The following ATG13 variants were observed in gnomAD, a reference collection of about 807,000 sequenced individuals.
The protein encoded by ATG13 is autophagy related 13.
ATG13 carries 23 observed loss-of-function variants against 65.5 expected under a neutral mutation model. The observed-to-expected ratio is 0.35, with a 90% CI of 0.25 to 0.50. The LOEUF is 0.50. Among genes scored for constraint, ATG13 ranks in the 20% least tolerant of loss-of-function variants. The probability of loss-of-function intolerance (pLI) is 0.98; values close to 1 mark genes in which losing one functional copy is unlikely to be tolerated. For synonymous variants in ATG13, 252 were observed against 245.2 expected (o/e 1.03, Z -0.26); for missense variants, 566 against 677.0 (o/e 0.84, Z 1.82).
chr11:46,636,942 T>G (rs1331614999), intron 2 of ATG13, among the ~76,000 whole-genome samples: 1 of 152,194 alleles, frequency 6.6e-6, no homozygotes, highest in Non-Finnish European at 1.5e-5. Flanking sequence ...TTGGCTAGGA[T>G]GGTCTCGATC....
At position 46,634,407 on chromosome 11, in the gene ATG13, CT is replaced by C. The variant is rs113574145; in HGVS notation, c.-14+4320del. Reference sequence around the variant, plus strand: ...TTTCTTTTTAATTTAATTTAGTTTTCTTTTTTTTTTTTTGAGTCTGAGTTTT... The same window carrying C: ...TTTCTTTTTAATTTAATTTAGTTTTCTTTTTTTTTTTTGAGTCTGAGTTTT... On this transcript the variant is annotated intron_variant, in intron 2 of 18. Coordinates refer to ENST00000683050, the MANE Select transcript of ATG13 (RefSeq NM_001346311.2). Among the ~76,000 whole-genome samples, 1,323 of 141,556 alleles carry C rather than the reference CT, an allele frequency of 9.3e-3. 13 individuals are homozygous for C. The highest frequency in any genetic ancestry group is 0.03 in the African/African-American group (1,166 of 38,696). 92.9% of individuals were successfully genotyped at this position (141,556 alleles called of 152,430 possible).
At chr11:46,628,856 A>C (rs1282028666) in intron 1 of ATG13, among the ~76,000 whole-genome samples, 2 of 152,086 alleles carry the variant, frequency 1.3e-5, no homozygotes, top group African/African-American at 4.8e-5. Context: ...CACAATCAAA[A>C]CATGGAAATT....
chr11:46,672,771 A>G lies in ATG13; in HGVS notation c.*439A>G. 7.4e-7 allele frequency: 1 copy of G among 1,349,596 alleles called. No individual in the cohort carries two copies. Among genetic ancestry groups the G allele is most frequent in the Non-Finnish European group, 9.8e-7 (1 of 1,021,488 alleles). 83.6% of individuals were successfully genotyped at this position (1,349,596 alleles called of 1,614,324 possible). ...CAAGAGATTGGTGTGGAGTCGCAGA[A>G]AGAGGAAGGAGACAGTGCCAGGAGG... On this transcript the variant is annotated 3_prime_UTR_variant, in exon 19 of 19. Coordinates refer to ENST00000683050, the MANE Select transcript of ATG13 (RefSeq NM_001346311.2).
intron 18 of ATG13, among the ~76,000 whole-genome samples, chr11:46,671,277 ACT>A (rs1414042026): frequency 2.0e-5 from 3 of 152,078 alleles, no homozygotes; most frequent in African/African-American, 7.2e-5. Context: ...TGATGGTGAA[ACT>A]CTGCAGATGC....
At chr11:46,638,178 T>C (rs1218828112) in intron 2 of ATG13, among the ~76,000 whole-genome samples, 4 of 152,332 alleles carry the variant, frequency 2.6e-5, no homozygotes, top group Non-Finnish European at 4.4e-5. Flanking sequence ...GGCTCATGTC[T>C]GTAATCCCAG....
At chr11:46,649,104 T>TA (rs1178874902) in intron 5 of ATG13, 33 bp from the exon 6 acceptor site, 11 of 1,592,110 alleles carry the variant, frequency 6.9e-6, no homozygotes, top group Non-Finnish European at 9.4e-6. Context: ...AAAAATTTTT[T>TA]AAACAAATAT....
At position 46,649,201 on chromosome 11, in the gene ATG13, G is replaced by C; in HGVS notation, c.317+18G>C. The stretch of plus-strand genomic sequence containing the variant: ...AATGAAAAGTAAGTGCTGCGTCTTA[G>C]GGTCCTTGGTTGTGGTTGCTGAGGA... On this transcript the variant is annotated intron_variant, in intron 6 of 18. Transcript: ENST00000683050. 6.2e-7 allele frequency: 1 copy of C among 1,610,140 alleles called. No individual in the cohort carries two copies. Among genetic ancestry groups the C allele is most frequent in the African/African-American group, 1.3e-5 (1 of 74,914 alleles).
chr11:46,655,078 G>C (rs560483724), intron 7 of ATG13, among the ~76,000 whole-genome samples: 1 of 151,344 alleles, frequency 6.6e-6, no homozygotes, highest in Non-Finnish European at 1.5e-5. Flanking sequence ...CAGCCTGAGC[G>C]ACAGAGCGAG....
chr11:46,645,404 A>G lies in ATG13; in HGVS notation c.135A>G (p.Pro45=). 1 of 1,613,748 alleles carries G rather than the reference A, an allele frequency of 6.2e-7. No individual in the cohort carries two copies. The highest frequency in any genetic ancestry group is 1.7e-5 in the Admixed American group (1 of 59,960). Residue 45 remains proline (P), a synonymous_variant, in exon 4 of 19, where the codon CCA becomes CCG. Transcript: ENST00000683050. ...TTTGCACTCGTTCATCATCTTCTCC[A>G]ACGGGTTCAGATTGGGTAAAATTCT... ...EKICTRSSSS[P]TGSDWFNLAI... is the part of the protein sequence containing the mutation.
chr11:46,671,952 C>T (rs1171691403), intron 18 of ATG13, among the ~76,000 whole-genome samples: 1 of 152,220 alleles, frequency 6.6e-6, no homozygotes, highest in Non-Finnish European at 1.5e-5. Context: ...AGATCTGTGC[C>T]AGGGATATTT....
chr11:46,625,994 C>T (rs1382610088), intron 1 of ATG13, among the ~76,000 whole-genome samples: 1 of 152,136 alleles, frequency 6.6e-6, no homozygotes, highest in Non-Finnish European at 1.5e-5. Context: ...CGGAGTCTGT[C>T]GCCCAGGCTG....
At position 46,664,935 on chromosome 11, in the gene ATG13, C is replaced by CTTA. The variant is rs1325277330; in HGVS notation, c.976_978dup (p.Leu326dup). 1.9e-5 allele frequency: 30 copies of CTTA among 1,613,808 alleles called. No homozygotes were observed. The highest frequency in any genetic ancestry group is 2.2e-5 in the Non-Finnish European group (26 of 1,179,814). On this transcript the variant is annotated inframe_insertion, in exon 13 of 19. Coordinates refer to ENST00000683050, the MANE Select transcript of ATG13 (RefSeq NM_001346311.2). ...CTTATCCAGTAGTGTTTGCTGCTGGCTTAAATGCTACACACCCTCACCAGG... is the reference window on the plus strand; with the variant it reads ...CTTATCCAGTAGTGTTTGCTGCTGGCTTATTAAATGCTACACACCCTCACCAGG...
intron 1 of ATG13, among the ~76,000 whole-genome samples, chr11:46,624,010 ATT>A (rs1364999019): frequency 7.0e-6 from 1 of 143,856 alleles, no homozygotes; most frequent in African/African-American, 2.5e-5. Flanking sequence ...AAATTCAGGA[ATT>A]TTTTTTTTTT....
At chr11:46,643,260 C>T (rs1040015430) in intron 2 of ATG13, among the ~76,000 whole-genome samples, 9 of 152,106 alleles carry the variant, frequency 5.9e-5, no homozygotes, top group Non-Finnish European at 1.3e-4. Context: ...GCTCCAACAA[C>T]GTGTCCAATC....
intron 3 of ATG13, among the ~76,000 whole-genome samples, chr11:46,644,584 A>T (rs1484045205): frequency 1.3e-5 from 2 of 149,448 alleles, no homozygotes; most frequent in African/African-American, 4.9e-5. Flanking sequence ...TCAAAAAAAA[A>T]ATTTTTTTTT....
intron 2 of ATG13, among the ~76,000 whole-genome samples, chr11:46,642,372 C>A (rs1361534742): frequency 7.7e-6 from 1 of 130,152 alleles, no homozygotes; most frequent in African/African-American, 2.9e-5. Flanking sequence ...GTGGCGCAAT[C>A]TCAGCCCACT....
rs768611041 is a variant in ATG13, at chr11:46,650,169, C to T, written c.318-8C>T. On this transcript the variant is annotated splice_region_variant and splice_polypyrimidine_tract_variant and intron_variant, in intron 6 of 18. Coordinates refer to ENST00000683050, the MANE Select transcript of ATG13 (RefSeq NM_001346311.2). The stretch of plus-strand genomic sequence containing the variant: ...GAAGAATGCTGACCATATCTTTGTG[C>T]CTGGCAGGTGTGATAAAGAAATCAA... 8 of 1,612,504 alleles carry T rather than the reference C, an allele frequency of 5.0e-6. No individual in the cohort carries two copies. The highest frequency in any genetic ancestry group is 3.3e-5 in the South Asian group (3 of 90,942).
At chr11:46,651,666 T>C (rs150690269) in intron 7 of ATG13, among the ~76,000 whole-genome samples, 70 of 152,348 alleles carry the variant, frequency 4.6e-4, no homozygotes, top group African/African-American at 1.5e-3. Flanking sequence ...GAGAGACTTA[T>C]CTAGTTCTGT....
chr11:46,646,071 T>TTCC, intron 5 of ATG13, 82 bp downstream of exon 5: 1 of 1,538,620 alleles, frequency 6.5e-7, no homozygotes, highest in Non-Finnish European at 8.9e-7. Flanking sequence ...CTCAGTCTTA[T>TTCC]TCCTGCCCCT....
Sources: gnomAD v4.1 joint callset for allele counts (sites outside exome capture counted in the v4.1 genomes callset) on GRCh38, gnomAD v4.1.1 for gene constraint, MANE v1.5 for transcripts, NCBI Gene and HGNC (gene_info 2026-07-23, HGNC 2026-07-21) for gene names.